SCHIP1: variants seen among roughly 807,000 people sequenced by gnomAD.
SCHIP1 encodes schwannomin-interacting protein 1.
A neutral mutation model predicts 29.7 loss-of-function variants in SCHIP1; 8 were observed. The observed-to-expected ratio is 0.27, with a 90% CI of 0.16 to 0.49. The LOEUF (loss-of-function observed/expected upper bound fraction) is 0.49. Ranked by LOEUF, SCHIP1 falls within the 20% of genes least tolerant of loss-of-function variation. The probability of loss-of-function intolerance (pLI) is 0.99; values close to 1 mark genes in which losing one functional copy is unlikely to be tolerated. For missense variants in SCHIP1, 193 were observed against 294.6 expected (o/e 0.66, Z 2.52); for synonymous variants, 76 against 94.9 (o/e 0.80, Z 1.16).
the SCHIP1 span, among the ~76,000 whole-genome samples, chr3:159,393,356 G>T: frequency 6.6e-6 from 1 of 152,028 alleles, no homozygotes; most frequent in Non-Finnish European, 1.5e-5. Context: ...TCTTGCCATT[G>T]CTTTTGGTGT....
the SCHIP1 span, among the ~76,000 whole-genome samples, chr3:159,671,496 T>C: frequency 0.011 from 1,623 of 152,338 alleles, 11 homozygotes; most frequent in Non-Finnish European, 0.017. Flanking sequence ...AATCATTGTA[T>C]CTCATAAACC....
At chr3:159,864,730 G>T (rs1714438120) in intron 1 of SCHIP1, among the ~76,000 whole-genome samples, 1 of 152,052 alleles carries the variant, frequency 6.6e-6, no homozygotes, top group South Asian at 2.1e-4. Flanking sequence ...TAGAGCCTGG[G>T]GCATTCTAAT....
the SCHIP1 span, among the ~76,000 whole-genome samples, chr3:159,799,072 G>C: frequency 6.6e-6 from 1 of 152,170 alleles, no homozygotes; most frequent in Non-Finnish European, 1.5e-5. Context: ...ACACTGAACA[G>C]GGCAATTATT....
chr3:159,389,262 A>G, the SCHIP1 span, among the ~76,000 whole-genome samples: 1 of 152,078 alleles, frequency 6.6e-6, no homozygotes, highest in Non-Finnish European at 1.5e-5. Context: ...TTTTTAAAGC[A>G]TCTTATTTAT....
chr3:159,892,281 T>G, intron 6 of SCHIP1, 91 bp downstream of exon 7: 1 of 1,433,470 alleles, frequency 7.0e-7, no homozygotes, highest in South Asian at 1.2e-5. Flanking sequence ...GAGAACTTCT[T>G]CCTCTACTTC....
At chr3:159,809,673 A>C in the SCHIP1 span, among the ~76,000 whole-genome samples, 1 of 152,046 alleles carries the variant, frequency 6.6e-6, no homozygotes, top group Non-Finnish European at 1.5e-5. Context: ...AAAAAAAAAA[A>C]AAAAGAAGCT....
the SCHIP1 span, among the ~76,000 whole-genome samples, chr3:159,689,354 T>C: frequency 2.6e-5 from 4 of 152,182 alleles, no homozygotes; most frequent in Non-Finnish European, 5.9e-5. Context: ...ATTCTCTTTG[T>C]AGCTAGTGTG....
At chr3:159,806,296 G>A in the SCHIP1 span, among the ~76,000 whole-genome samples, 4 of 152,178 alleles carry the variant, frequency 2.6e-5, no homozygotes, top group African/African-American at 9.6e-5. Context: ...CATTGCTACT[G>A]TGAATTCTTT....
chr3:159,555,572 C>G, the SCHIP1 span, among the ~76,000 whole-genome samples: 3 of 151,732 alleles, frequency 2.0e-5, no homozygotes, highest in African/African-American at 7.3e-5. Flanking sequence ...AGCAAATTCT[C>G]TCTCTCTCTT....
chr3:159,509,964 A>C, the SCHIP1 span, among the ~76,000 whole-genome samples: 1 of 152,056 alleles, frequency 6.6e-6, no homozygotes, highest in South Asian at 2.1e-4. Flanking sequence ...GCTCTTCTCA[A>C]GGAGTATCTT....
chr3:159,536,283 A>G, the SCHIP1 span, among the ~76,000 whole-genome samples: 1 of 152,036 alleles, frequency 6.6e-6, no homozygotes, highest in Non-Finnish European at 1.5e-5. Flanking sequence ...GAGTTAAATC[A>G]CCTCCCATCA....
At chr3:159,876,266 C>G (rs761825331) in intron 2 of SCHIP1, among the ~76,000 whole-genome samples, 7 of 152,298 alleles carry the variant, frequency 4.6e-5, no homozygotes, top group Non-Finnish European at 1.0e-4. Flanking sequence ...TGCTTTTTCA[C>G]TTATCAACAT....
At chr3:159,572,553 A>G in the SCHIP1 span, among the ~76,000 whole-genome samples, 3 of 152,134 alleles carry the variant, frequency 2.0e-5, no homozygotes, top group South Asian at 2.1e-4. Flanking sequence ...GGTCAATTTT[A>G]GAATAAGTGT....
the SCHIP1 span, among the ~76,000 whole-genome samples, chr3:159,639,932 C>T: frequency 2.0e-5 from 3 of 152,060 alleles, no homozygotes; most frequent in Admixed American, 2.0e-4. Context: ...TGGTTCTGTG[C>T]CAGAAAAGAA....
At chr3:159,410,497 C>G in the SCHIP1 span, among the ~76,000 whole-genome samples, 1 of 152,186 alleles carries the variant, frequency 6.6e-6, no homozygotes, top group East Asian at 1.9e-4. Context: ...CAAGAGAAGA[C>G]ATACAAATGG....
chr3:159,565,813 G>A, the SCHIP1 span, among the ~76,000 whole-genome samples: 12 of 152,096 alleles, frequency 7.9e-5, no homozygotes, highest in African/African-American at 2.9e-4. Context: ...ATTATATTAT[G>A]TGATTACAGT....
At chr3:159,333,634 C>G in the SCHIP1 span, among the ~76,000 whole-genome samples, 2 of 152,266 alleles carry the variant, frequency 1.3e-5, no homozygotes, top group East Asian at 3.9e-4. Flanking sequence ...TAGAATATAG[C>G]AAAGACTACT....
the SCHIP1 span, chr3:159,306,498 T>C: frequency 1.1e-5 from 3 of 273,710 alleles, no homozygotes; most frequent in African/African-American, 4.6e-5. Flanking sequence ...ATTTCACAGA[T>C]GAAGAAACTG....
At chr3:159,750,296 T>TACACAC in the SCHIP1 span, among the ~76,000 whole-genome samples, 14 of 132,774 alleles carry the variant, frequency 1.1e-4, no homozygotes, top group African/African-American at 3.7e-4. Flanking sequence ...TATATATATA[T>TACACAC]ACACACACAC....
Sources: gnomAD v4.1 joint callset for allele counts (sites outside exome capture counted in the v4.1 genomes callset) on GRCh38, gnomAD v4.1.1 for gene constraint, MANE v1.5 for transcripts, NCBI Gene and HGNC (gene_info 2026-07-23, HGNC 2026-07-21) for gene names.